The following GRAMD1C variants were observed in gnomAD, a reference collection of about 807,000 sequenced individuals.
GRAMD1C encodes the protein protein Aster-C.
Under a neutral mutation model 97.8 loss-of-function variants are expected in GRAMD1C, and 89 were observed. The ratio of observed to expected loss-of-function variants is 0.91; its 90% CI spans 0.77 to 1.09. The LOEUF (loss-of-function observed/expected upper bound fraction) is 1.09, where lower values mean the gene tolerates loss of function less well. GRAMD1C is among the 50% of genes least tolerant of loss of function. The probability of loss-of-function intolerance (pLI) is 0.00; values close to 1 mark genes in which losing one functional copy is unlikely to be tolerated. For synonymous variants in GRAMD1C, 256 were observed against 267.0 expected, an observed-to-expected ratio of 0.96 and a Z score of 0.40; for missense variants, 740 against 766.4, an observed-to-expected ratio of 0.97 and a Z score of 0.41.
intron 9 of GRAMD1C, among the ~76,000 whole-genome samples, chr3:113,910,655 AG>A (rs1666647103): frequency 6.6e-6 from 1 of 152,198 alleles, no homozygotes; most frequent in African/African-American, 2.4e-5. Flanking sequence ...ATGAAGAGCA[AG>A]TCAGATAGAG....
At chr3:113,938,206 A>C (rs1364072517) in intron 15 of GRAMD1C, 63 bp downstream of exon 15, 3 of 765,534 alleles carry the variant, frequency 3.9e-6, no homozygotes, top group African/African-American at 3.7e-5. Context: ...CTAGTTTCCA[A>C]AAGAATTTGA....
At chr3:113,851,522 C>CTTTTTTTTT (rs35669503) in intron 2 of GRAMD1C, among the ~76,000 whole-genome samples, 1 of 133,606 alleles carries the variant, frequency 7.5e-6, no homozygotes, top group African/African-American at 2.7e-5. Flanking sequence ...TTCTTTCTTT[C>CTTTTTTTTT]TTTTTTTTTT....
intron 2 of GRAMD1C, among the ~76,000 whole-genome samples, chr3:113,867,774 C>G (rs1934642372): frequency 6.6e-6 from 1 of 152,180 alleles, no homozygotes; most frequent in Non-Finnish European, 1.5e-5. Flanking sequence ...GCATGACTCT[C>G]TGTGTTTATC....
At chr3:113,875,644 G>T in intron 4 of GRAMD1C, 57 bp downstream of exon 4, 2 of 786,406 alleles carry the variant, frequency 2.5e-6, no homozygotes, top group South Asian at 1.5e-5. Flanking sequence ...GATATATACA[G>T]TTCTTCCAAA....
chr3:113,833,159 A>T (rs1709583380), intron 1 of GRAMD1C, among the ~76,000 whole-genome samples: 2 of 120,572 alleles, frequency 1.7e-5, no homozygotes, highest in African/African-American at 3.3e-5. Flanking sequence ...TGTGTGTGTG[A>T]CGAGTTTTGC....
chr3:113,907,732 G>A (rs1057234769), intron 8 of GRAMD1C, among the ~76,000 whole-genome samples: 1 of 152,074 alleles, frequency 6.6e-6, no homozygotes. Context: ...AGAAATAAAA[G>A]CCATCCAGAT....
intron 10 of GRAMD1C, among the ~76,000 whole-genome samples, chr3:113,927,647 A>T (rs1242494970): frequency 6.6e-6 from 1 of 152,156 alleles, no homozygotes; most frequent in African/African-American, 2.4e-5. Flanking sequence ...CAGAAGTGAG[A>T]CCACTGGGCT....
intron 5 of GRAMD1C, among the ~76,000 whole-genome samples, chr3:113,877,112 G>C (rs1935077105): frequency 6.6e-6 from 1 of 152,132 alleles, no homozygotes; most frequent in Admixed American, 6.5e-5. Flanking sequence ...TTCCCAAGTA[G>C]CTGGGACTTC....
intron 2 of GRAMD1C, among the ~76,000 whole-genome samples, chr3:113,849,829 T>A (rs1350643613): frequency 4.6e-5 from 7 of 151,980 alleles, no homozygotes; most frequent in Non-Finnish European, 7.4e-5. Context: ...GACGGGGTGG[T>A]GGCCTGGCAG....
intron 9 of GRAMD1C, among the ~76,000 whole-genome samples, chr3:113,911,699 C>CTTTCCTTCCTTCCTTCTTTCT (rs1375593202): frequency 2.7e-5 from 2 of 72,730 alleles, no homozygotes; most frequent in African/African-American, 1.6e-4. Context: ...CTGTTTCTTT[C>CTTTCCTTCCTTCCTTCTTTCT]CTTCCTTCCT....
chr3:113,937,087 G>T (rs996416041), intron 14 of GRAMD1C, among the ~76,000 whole-genome samples: 1 of 152,156 alleles, frequency 6.6e-6, no homozygotes, highest in Non-Finnish European at 1.5e-5. Flanking sequence ...ACGTTTGAGT[G>T]TACTGCTCTC....
chr3:113,847,211 T>C (rs112823796), intron 2 of GRAMD1C, among the ~76,000 whole-genome samples: 4 of 152,246 alleles, frequency 2.6e-5, no homozygotes, highest in Non-Finnish European at 5.9e-5. Flanking sequence ...TTATATTTTT[T>C]AATTTTTTTA....
intron 6 of GRAMD1C, chr3:113,885,339 G>A: frequency 1.3e-6 from 2 of 1,592,180 alleles, no homozygotes; most frequent in Non-Finnish European, 1.7e-6. Flanking sequence ...GCACGTTCGT[G>A]GCCTTCGCTG....
At chr3:113,944,321 C>G (rs1937960502) in intron 17 of GRAMD1C, among the ~76,000 whole-genome samples, 1 of 152,182 alleles carries the variant, frequency 6.6e-6, no homozygotes, top group South Asian at 2.1e-4. Context: ...AATCACCTCC[C>G]AGAGGCCACG....
At chr3:113,911,137 TGAGG>T (rs1936553415) in intron 9 of GRAMD1C, among the ~76,000 whole-genome samples, 1 of 141,196 alleles carries the variant, frequency 7.1e-6, no homozygotes, top group Non-Finnish European at 1.5e-5. Flanking sequence ...GAGCAAAGTG[TGAGG>T]GAGGAGCAGA....
At chr3:113,889,499 T>G (rs1188265380) in intron 6 of GRAMD1C, among the ~76,000 whole-genome samples, 1 of 152,178 alleles carries the variant, frequency 6.6e-6, no homozygotes, top group African/African-American at 2.4e-5. Context: ...TGATGGTTGT[T>G]TAACTTTGGA....
upstream of GRAMD1C, among the ~76,000 whole-genome samples, chr3:113,838,143 C>T (rs982767905): frequency 6.6e-5 from 10 of 152,292 alleles, no homozygotes; most frequent in African/African-American, 2.2e-4. Context: ...AAATTTGGAA[C>T]GCTCTTGGCC....
intron 1 of GRAMD1C, among the ~76,000 whole-genome samples, chr3:113,829,185 G>A (rs1279602689): frequency 1.3e-5 from 2 of 152,134 alleles, no homozygotes; most frequent in African/African-American, 2.4e-5. Flanking sequence ...CACGAGGGAA[G>A]GCCAGAACAG....
chr3:113,850,172 GTA>G, intron 2 of GRAMD1C: 2 of 441,480 alleles, frequency 4.5e-6, no homozygotes, highest in South Asian at 3.4e-5. Flanking sequence ...TTTGTCAATT[GTA>G]TATACTTACT....
Sources: allele counts gnomAD v4.1 joint callset (sites outside exome capture counted in the v4.1 genomes callset), GRCh38; gene constraint gnomAD v4.1.1; transcripts MANE v1.5; gene names NCBI Gene and HGNC (gene_info 2026-07-23, HGNC 2026-07-21).